Variants in ZCWPW2 observed in about 807,000 individuals in gnomAD.
ZCWPW2 encodes the protein zinc finger CW-type PWWP domain protein 2.
In ZCWPW2, 45 loss-of-function variants were observed where a neutral mutation model predicts 46.6. The observed-to-expected ratio is 0.96, with a 90% CI of 0.76 to 1.24. ZCWPW2 has a LOEUF of 1.24. Among genes scored for constraint, ZCWPW2 ranks in the 50% most tolerant of loss-of-function variants. The probability of loss-of-function intolerance (pLI) is 0.00; values close to 1 mark genes in which losing one functional copy is unlikely to be tolerated. For synonymous variants in ZCWPW2, 152 were observed against 137.1 expected (o/e 1.11, Z -0.76); for missense variants, 429 against 403.9 (o/e 1.06, Z -0.53).
At chr3:28,457,231 A>G (rs1317829031) in intron 4 of ZCWPW2, among the ~76,000 whole-genome samples, 1 of 152,188 alleles carries the variant, frequency 6.6e-6, no homozygotes, top group African/African-American at 2.4e-5. Context: ...AGCTCACAGA[A>G]TATGTACTGA....
chr3:28,427,722 G>C (rs1697076061), intron 3 of ZCWPW2, among the ~76,000 whole-genome samples: 1 of 152,124 alleles, frequency 6.6e-6, no homozygotes, highest in African/African-American at 2.4e-5. Context: ...TATCAAAATA[G>C]CCATTCATGT....
At chr3:28,370,127 TG>T (rs1705271256) in intron 1 of ZCWPW2, among the ~76,000 whole-genome samples, 1 of 152,234 alleles carries the variant, frequency 6.6e-6, no homozygotes, top group Admixed American at 6.5e-5. Flanking sequence ...TGCCTCTCCC[TG>T]CTTTGGCTCA....
intron 2 of ZCWPW2, among the ~76,000 whole-genome samples, chr3:28,409,316 C>T (rs1009693029): frequency 6.6e-6 from 1 of 151,710 alleles, no homozygotes; most frequent in Non-Finnish European, 1.5e-5. Flanking sequence ...GGCTGGGTTT[C>T]GCTATGTTGA....
At chr3:28,475,646 G>A (rs1699212629) in intron 4 of ZCWPW2, among the ~76,000 whole-genome samples, 1 of 151,966 alleles carries the variant, frequency 6.6e-6, no homozygotes, top group African/African-American at 2.4e-5. Context: ...TCTCTTCATC[G>A]TTTAGACTCA....
At chr3:28,462,233 A>G (rs758360912) in intron 4 of ZCWPW2, among the ~76,000 whole-genome samples, 12 of 152,206 alleles carry the variant, frequency 7.9e-5, no homozygotes, top group Non-Finnish European at 1.3e-4. Context: ...GAAGTCTGTC[A>G]GTGCCCTGGG....
intron 1 of ZCWPW2, among the ~76,000 whole-genome samples, chr3:28,384,614 CTT>C (rs1172954946): frequency 7.9e-5 from 11 of 139,378 alleles, no homozygotes; most frequent in Admixed American, 1.4e-4. Context: ...ATCTTTCTTT[CTT>C]TTTTTTTTTT....
At chr3:28,455,202 T>C (rs1364434194) in intron 4 of ZCWPW2, among the ~76,000 whole-genome samples, 1 of 152,178 alleles carries the variant, frequency 6.6e-6, no homozygotes, top group Non-Finnish European at 1.5e-5. Flanking sequence ...TGGTCCCTCA[T>C]TGTGGTTTTG....
At chr3:28,431,645 A>C (rs1697262272) in intron 3 of ZCWPW2, among the ~76,000 whole-genome samples, 1 of 152,206 alleles carries the variant, frequency 6.6e-6, no homozygotes, top group Non-Finnish European at 1.5e-5. Flanking sequence ...TGAGGAGGAC[A>C]AAATTCAGCC....
At chr3:28,356,085 T>G (rs558146358) in intron 1 of ZCWPW2, among the ~76,000 whole-genome samples, 1 of 152,048 alleles carries the variant, frequency 6.6e-6, no homozygotes, top group Non-Finnish European at 1.5e-5. Flanking sequence ...TGGGAGAAAA[T>G]TTTTGCAATC....
intron 1 of ZCWPW2, among the ~76,000 whole-genome samples, chr3:28,372,553 A>C (rs189361164): frequency 1.3e-5 from 2 of 152,330 alleles, no homozygotes; most frequent in African/African-American, 4.8e-5. Context: ...ATATTAATAC[A>C]TTTTGAAGTA....
chr3:28,414,415 G>A (rs1696554449), intron 3 of ZCWPW2, among the ~76,000 whole-genome samples: 1 of 151,128 alleles, frequency 6.6e-6, no homozygotes, highest in Non-Finnish European at 1.5e-5. Context: ...TCGTTTCATG[G>A]GGGTTTGTTG....
At chr3:28,368,547 TC>T (rs754803925) in intron 1 of ZCWPW2, among the ~76,000 whole-genome samples, 79 of 152,326 alleles carry the variant, frequency 5.2e-4, no homozygotes, top group Middle Eastern at 3.4e-3. Context: ...CTGATGGGCT[TC>T]CCTTTGTGGG....
Position 28,429,291 on chromosome 3 carries a change from A to G in ZCWPW2, c.333-5819A>G, listed in dbSNP as rs144559402. On this transcript the variant is annotated intron_variant, in intron 3 of 9. Coordinates refer to ENST00000383768, the MANE Select transcript of ZCWPW2 (RefSeq NM_001040432.4). Reference sequence around the variant, plus strand: ...ATGCCTTAGCAAAAAGACTGGCAGCATTTTACCCTTGCCCTAGAGATTCTG... The same window carrying G: ...ATGCCTTAGCAAAAAGACTGGCAGCGTTTTACCCTTGCCCTAGAGATTCTG... 2.5e-3 allele frequency among the ~76,000 whole-genome samples: 386 copies of G among 152,300 alleles called. 1 individual carries two copies. Among genetic ancestry groups the G allele is most frequent in the African/African-American group, 8.4e-3 (350 of 41,568 alleles).
intron 1 of ZCWPW2, among the ~76,000 whole-genome samples, chr3:28,378,073 T>C (rs1705559248): frequency 6.6e-6 from 1 of 152,060 alleles, no homozygotes; most frequent in Non-Finnish European, 1.5e-5. Flanking sequence ...CTTGGAGCTA[T>C]GCCAGAAATT....
intron 4 of ZCWPW2, among the ~76,000 whole-genome samples, chr3:28,438,460 G>T (rs572943189): frequency 1.3e-5 from 2 of 152,288 alleles, no homozygotes; most frequent in East Asian, 3.9e-4. Context: ...AGACCTGAGT[G>T]GACTTAAAGT....
At chr3:28,363,015 C>A (rs943470904) in intron 1 of ZCWPW2, among the ~76,000 whole-genome samples, 2 of 148,598 alleles carry the variant, frequency 1.3e-5, no homozygotes, top group Admixed American at 6.7e-5. Flanking sequence ...AATGATGAGA[C>A]CACATGGACA....
At chr3:28,374,249 T>C (rs1052145836) in intron 1 of ZCWPW2, among the ~76,000 whole-genome samples, 1 of 152,190 alleles carries the variant, frequency 6.6e-6, no homozygotes, top group Non-Finnish European at 1.5e-5. Context: ...GAAGAGGCTG[T>C]CCTCTTCCCA....
rs576307073 is a variant in ZCWPW2 at position 28,412,976 on chromosome 3, T to C, written c.-13-80T>C. The C allele has an allele frequency of 2.7e-6, 3 of 1,113,336 alleles. No individual in the cohort carries two copies. In the African/African-American group the frequency reaches 4.7e-5, roughly 18 times the overall value. The allele number at this position is 1,113,336 out of a possible 1,614,324, so 69.0% of individuals were successfully genotyped here. On this transcript the variant is annotated intron_variant, in intron 2 of 9. Transcript: ENST00000383768. Reference sequence around the variant, plus strand: ...GCATAGAAGATATCAAAGAGGAATTTCTCTGATTTTTGGTTTGAATTTTCT... The same window carrying C: ...GCATAGAAGATATCAAAGAGGAATTCCTCTGATTTTTGGTTTGAATTTTCT...
chr3:28,366,774 G>T (rs1309495700), intron 1 of ZCWPW2, among the ~76,000 whole-genome samples: 1 of 152,094 alleles, frequency 6.6e-6, no homozygotes, highest in African/African-American at 2.4e-5. Flanking sequence ...ATCTGGTCCT[G>T]GACTTTTTTT....
Sources: gnomAD v4.1 joint callset for allele counts (sites outside exome capture counted in the v4.1 genomes callset) on GRCh38, gnomAD v4.1.1 for gene constraint, MANE v1.5 for transcripts, NCBI Gene and HGNC (gene_info 2026-07-23, HGNC 2026-07-21) for gene names.